SDR42E1: variants seen among roughly 807,000 people sequenced by gnomAD.
SDR42E1 encodes the protein short chain dehydrogenase/reductase family 42E, member 1.
Under a neutral mutation model 2.6 loss-of-function variants are expected in SDR42E1, and 5 were observed. The observed-to-expected ratio is 1.94, with a 90% CI of 1.01 to 4.08. The LOEUF (loss-of-function observed/expected upper bound fraction) is 4.08, where lower values mean the gene tolerates loss of function less well. SDR42E1 is among the 30% of genes most tolerant of loss of function. The pLI, the probability that SDR42E1 is intolerant of heterozygous loss-of-function variation, is 0.00. For synonymous variants in SDR42E1, 231 were observed against 188.3 expected, an observed-to-expected ratio of 1.23 and a Z score of -1.86; for missense variants, 596 against 478.6, an observed-to-expected ratio of 1.25 and a Z score of -2.29.
In SDR42E1 at chr16:81,999,803, G is replaced by C. The variant is rs772550358; in HGVS notation, c.490C>G (p.Leu164Val). The C allele has an allele frequency of 1.1e-5, 17 of 1,614,204 alleles. 1 individual carries two copies. In the Admixed American group the frequency reaches 2.8e-4, roughly 27 times the overall value. The change falls in exon 3 of 3, where the codon CTG becomes GTG. Residue 164 changes from leucine to valine, a missense_variant. Transcript: ENST00000328945. Reference sequence around the variant, plus strand: ...TCCAGGGGTGTAGCATTCGCCTCCAGCACCTTCTGCTCTGCAATTGACTTT... The same window carrying C: ...TCCAGGGGTGTAGCATTCGCCTCCACCACCTTCTGCTCTGCAATTGACTTT... The part of the protein sequence containing the change: ...RTKSIAEQKV[L>V]EANATPLDRG...
rs888581597 is a variant in SDR42E1 at position 81,992,869 on chromosome 16, G to A, written c.*6242C>T. 2.0e-5 allele frequency: 3 copies of A among 152,092 alleles called. No homozygotes were observed. The highest frequency in any genetic ancestry group is 7.2e-5 in the African/African-American group (3 of 41,412). The allele number at this position is 152,092 out of a possible 1,614,324, so 9.4% of individuals were successfully genotyped here. On this transcript the variant is annotated 3_prime_UTR_variant, in exon 3 of 3. Transcript: ENST00000328945. ...TGGTGTGCCCAGGTTCTAAAATACA[G>A]AAGGGTAACATGGTATGAATTTGCA...
In SDR42E1 at chr16:81,999,840, G is replaced by A. The variant is rs1228911711; in HGVS notation, c.453C>T (p.His151=). 8 of 1,614,094 alleles carry A rather than the reference G, an allele frequency of 5.0e-6. No homozygotes were observed. The highest frequency in any genetic ancestry group is 6.8e-6 in the Non-Finnish European group (8 of 1,180,052). ...CTGCAATTGACTTTGTCCGAGAGTAGTGATCAGGGTGGAGGTGAAGAGGCA... is the reference window on the plus strand; with the variant it reads ...CTGCAATTGACTTTGTCCGAGAGTAATGATCAGGGTGGAGGTGAAGAGGCA... ...PYLPLHLHPD[H]YSRTKSIAEQ... Residue 151 remains histidine, a synonymous_variant, in exon 3 of 3, where the codon CAC becomes CAT. Transcript: ENST00000328945.
chr16:81,995,950 CTA>C lies in SDR42E1; in HGVS notation c.*3159_*3160del. On this transcript the variant is annotated 3_prime_UTR_variant, in exon 3 of 3. Transcript: ENST00000328945. ...AAATTGCTGGGATCAGTGAAGGCCT[CTA>C]GAAAGAGACTTAACAAGAGACACGA... The C allele has an allele frequency of 6.6e-6, 1 of 152,258 alleles. No homozygotes were observed. The highest frequency in any genetic ancestry group is 1.9e-4 in the East Asian group (1 of 5,174). The allele number at this position is 152,258 out of a possible 1,614,324, so 9.4% of individuals were successfully genotyped here.
chr16:82,010,267 T>G (rs1913082705), intron 1 of SDR42E1, among the ~76,000 whole-genome samples: 1 of 152,184 alleles, frequency 6.6e-6, no homozygotes, highest in Non-Finnish European at 1.5e-5. Flanking sequence ...CTTTCAGAAA[T>G]GAGGAAAATA....
At chr16:82,000,355 T>C in intron 2 of SDR42E1, 131 bp from the exon 3 acceptor site, 1 of 1,107,252 alleles carries the variant, frequency 9.0e-7, no homozygotes. Context: ...CCCCTCACTA[T>C]GCATGTTCCT....
In SDR42E1 at chr16:81,995,696, A is replaced by C. The variant is rs890538140; in HGVS notation, c.*3415T>G. 5 of 152,262 alleles carry C rather than the reference A, an allele frequency of 3.3e-5. No individual in the cohort carries two copies. 9.4% of individuals were successfully genotyped at this position (152,262 alleles called of 1,614,324 possible). The stretch of plus-strand genomic sequence containing the variant: ...GTGTGCTAGAAAAGAGTGTTCATCC[A>C]TAGCAGATGGGAAAACAGCATTCAT... On this transcript the variant is annotated 3_prime_UTR_variant, in exon 3 of 3. Coordinates refer to ENST00000328945, the MANE Select transcript of SDR42E1 (RefSeq NM_145168.3).
rs1261323778 is a variant in SDR42E1, at chr16:81,997,184, T to C, written c.*1927A>G. On this transcript the variant is annotated 3_prime_UTR_variant, in exon 3 of 3. Coordinates refer to ENST00000328945, the MANE Select transcript of SDR42E1 (RefSeq NM_145168.3). The stretch of plus-strand genomic sequence containing the variant: ...CCAGCTTGAATGGAAAGGGATATAG[T>C]GCAAAATGTTAACACAGCCGTTGGG... The C allele has an allele frequency of 6.6e-6, 1 of 152,150 alleles. No individual in the cohort carries two copies. The highest frequency in any genetic ancestry group is 1.5e-5 in the Non-Finnish European group (1 of 68,032). 9.4% of individuals were successfully genotyped at this position (152,150 alleles called of 1,614,324 possible).
In SDR42E1 at chr16:81,997,221, C is replaced by A. The variant is rs1912562398; in HGVS notation, c.*1890G>T. On this transcript the variant is annotated 3_prime_UTR_variant, in exon 3 of 3. Coordinates refer to ENST00000328945, the MANE Select transcript of SDR42E1 (RefSeq NM_145168.3). ...ACACAGCCGTTGGGCCCCTAAAATC[C>A]TTCTGGCAAGAAGCAGGCAGAAAAA... The A allele has an allele frequency of 1.3e-5, 2 of 152,170 alleles. No individual in the cohort carries two copies. Among genetic ancestry groups the A allele is most frequent in the African/African-American group, 2.4e-5 (1 of 41,422 alleles). 9.4% of individuals were successfully genotyped at this position (152,170 alleles called of 1,614,324 possible).
In SDR42E1 at chr16:81,990,380, C is replaced by T. The variant is rs1420442033; in HGVS notation, c.*8731G>A. 1 of 152,146 alleles carries T rather than the reference C, an allele frequency of 6.6e-6. No homozygotes were observed. Among genetic ancestry groups the T allele is most frequent in the Non-Finnish European group, 1.5e-5 (1 of 68,000 alleles). 9.4% of individuals were successfully genotyped at this position (152,146 alleles called of 1,614,324 possible). A position where few individuals can be genotyped will look rare whatever the true frequency, so the allele number is the denominator to read the frequency against. ...AATCAATGAAACATTTTCACTGAACCATCTCTACCCGCATATGCAGTTGTT... is the reference window on the plus strand; with the variant it reads ...AATCAATGAAACATTTTCACTGAACTATCTCTACCCGCATATGCAGTTGTT... On this transcript the variant is annotated 3_prime_UTR_variant, in exon 3 of 3. Coordinates refer to ENST00000328945, the MANE Select transcript of SDR42E1 (RefSeq NM_145168.3).
rs143810198 is a variant in SDR42E1, at chr16:81,989,504, T to C, written c.*9607A>G. On this transcript the variant is annotated 3_prime_UTR_variant, in exon 3 of 3. Transcript: ENST00000328945. ...GTTACACAGAAGCACTCTGAATGTG[T>C]AGAAATAAAAGCTTGATGATTTTGG... is the stretch of plus-strand genomic sequence containing the variant. 17 of 152,314 alleles carry C rather than the reference T, an allele frequency of 1.1e-4. No homozygotes were observed. The highest frequency in any genetic ancestry group is 3.9e-4 in the African/African-American group (16 of 41,544). 9.4% of individuals were successfully genotyped at this position (152,314 alleles called of 1,614,324 possible).
At position 81,994,035 on chromosome 16, in the gene SDR42E1, T is replaced by C. The variant is rs925715012; in HGVS notation, c.*5076A>G. The C allele has an allele frequency of 1.3e-5, 2 of 152,042 alleles. No individual in the cohort carries two copies. The highest frequency in any genetic ancestry group is 4.8e-5 in the African/African-American group (2 of 41,382). The allele number at this position is 152,042 out of a possible 1,614,324, so 9.4% of individuals were successfully genotyped here. On this transcript the variant is annotated 3_prime_UTR_variant, in exon 3 of 3. Coordinates refer to ENST00000328945, the MANE Select transcript of SDR42E1 (RefSeq NM_145168.3). Reference sequence around the variant, plus strand: ...TGCCTTTGGAAACCACGGGGTAGGATCACCTGTACCCAGGAGTGGACTGTG... The same window carrying C: ...TGCCTTTGGAAACCACGGGGTAGGACCACCTGTACCCAGGAGTGGACTGTG...
In SDR42E1 at chr16:82,000,182, CAG is replaced by C. The variant is rs1567563938; in HGVS notation, c.109_110del (p.Leu37ValfsTer2). Reference protein sequence around the residue: ...ALNQNGVHVILFDISSPAQTI... With the variant: ...ALNQNGVHVIXFDISSPAQTI... ...TTTGAGCAGGGCTGCTGATGTCAAA[CAG>C]AATCACATGGACTCCATTTTGGTTC... On this transcript the variant is annotated frameshift_variant, in exon 3 of 3. Coordinates refer to ENST00000328945, the MANE Select transcript of SDR42E1 (RefSeq NM_145168.3). LOFTEE classifies it low-confidence loss of function (END_TRUNC). 6.2e-7 allele frequency: 1 copy of C among 1,611,592 alleles called. No homozygotes were observed.
In SDR42E1 at chr16:81,994,798, T is replaced by C. The variant is rs1912504217; in HGVS notation, c.*4313A>G. On this transcript the variant is annotated 3_prime_UTR_variant, in exon 3 of 3. Coordinates refer to ENST00000328945, the MANE Select transcript of SDR42E1 (RefSeq NM_145168.3). ...CGGAGATTTGGAAAGCAATACAAGG[T>C]AGAAGCAGCCCCAACAATCTACGAC... The C allele has an allele frequency of 6.6e-6, 1 of 152,174 alleles. No homozygotes were observed. The highest frequency in any genetic ancestry group is 6.5e-5 in the Admixed American group (1 of 15,280). The allele number at this position is 152,174 out of a possible 1,614,324, so 9.4% of individuals were successfully genotyped here. A position where few individuals can be genotyped will look rare whatever the true frequency, so the allele number is the denominator to read the frequency against.
chr16:81,997,642 C>A lies in SDR42E1; in HGVS notation c.*1469G>T, dbSNP rs1200667459. 7 of 152,246 alleles carry A rather than the reference C, an allele frequency of 4.6e-5. No individual in the cohort carries two copies. The highest frequency in any genetic ancestry group is 4.6e-4 in the Admixed American group (7 of 15,290). The allele number at this position is 152,246 out of a possible 1,614,324, so 9.4% of individuals were successfully genotyped here. A position where few individuals can be genotyped will look rare whatever the true frequency, so the allele number is the denominator to read the frequency against. On this transcript the variant is annotated 3_prime_UTR_variant, in exon 3 of 3. Transcript: ENST00000328945. ...TTTTCCTAAAAACAATCACTACCATCACCTCATACTGATGTTGCAATTTAT... is the reference window on the plus strand; with the variant it reads ...TTTTCCTAAAAACAATCACTACCATAACCTCATACTGATGTTGCAATTTAT...
rs200680543 is a variant in SDR42E1, at chr16:82,001,959, T to TACACACAC, written c.-26-1076_-26-1075insGTGTGTGT. 4.7e-3 allele frequency among the ~76,000 whole-genome samples: 617 copies of TACACACAC among 131,102 alleles called. 5 individuals are homozygous for TACACACAC. Among genetic ancestry groups the TACACACAC allele is most frequent in the African/African-American group, 0.023 (586 of 25,350 alleles). The allele number at this position is 131,102 out of a possible 152,430, so 86.0% of individuals were successfully genotyped here. On this transcript the variant is annotated intron_variant, in intron 1 of 2. Transcript: ENST00000328945. ...CAGGTCCTCAAAGGCACTGGGTGCG[T>TACACACAC]ATACACACACACACACACACACACA... is the stretch of plus-strand genomic sequence containing the variant.
chr16:82,002,061 G>C (rs1912786354), intron 1 of SDR42E1, among the ~76,000 whole-genome samples: 1 of 151,930 alleles, frequency 6.6e-6, no homozygotes, highest in African/African-American at 2.4e-5. Flanking sequence ...AAGCAATCAA[G>C]AGCCCTACCA....
Position 81,999,163 on chromosome 16 carries a change from A to G in SDR42E1, c.1130T>C (p.Leu377Pro), listed in dbSNP as rs1912636555. 3 of 1,614,234 alleles carry G rather than the reference A, an allele frequency of 1.9e-6. No homozygotes were observed. The East Asian group carries it at 6.7e-5, about 36-fold the overall frequency. The change falls in exon 3 of 3, where the codon CTG (leucine) becomes CCG (proline). Residue 377 changes from leucine to proline, a missense_variant. Coordinates refer to ENST00000328945, the MANE Select transcript of SDR42E1 (RefSeq NM_145168.3). ...CAGCCACATGAGAACTGCTATAATC[A>G]GGAGGAAGACCAATAGCCCATCCCA... Reference protein sequence around the residue: ...FVWDGLLVFLLIIAVLMWLPS... With the variant: ...FVWDGLLVFLPIIAVLMWLPS...
chr16:81,992,757 T>C lies in SDR42E1; in HGVS notation c.*6354A>G, dbSNP rs1286629651. On this transcript the variant is annotated 3_prime_UTR_variant, in exon 3 of 3. Coordinates refer to ENST00000328945, the MANE Select transcript of SDR42E1 (RefSeq NM_145168.3). ...CACTTTGCTACATGCAATTTCTTTG[T>C]AGTGAACTAGATTTGGCCTCGGTCA... The C allele has an allele frequency of 1.3e-5, 2 of 152,142 alleles. No individual in the cohort carries two copies. The highest frequency in any genetic ancestry group is 2.9e-5 in the Non-Finnish European group (2 of 68,024). The allele number at this position is 152,142 out of a possible 1,614,324, so 9.4% of individuals were successfully genotyped here.
rs1027315522 is a variant in SDR42E1, at chr16:81,994,712, G to A, written c.*4399C>T. The A allele has an allele frequency of 1.3e-5, 2 of 152,120 alleles. No homozygotes were observed. The highest frequency in any genetic ancestry group is 4.8e-5 in the African/African-American group (2 of 41,396). 9.4% of individuals were successfully genotyped at this position (152,120 alleles called of 1,614,324 possible). On this transcript the variant is annotated 3_prime_UTR_variant, in exon 3 of 3. Coordinates refer to ENST00000328945, the MANE Select transcript of SDR42E1 (RefSeq NM_145168.3). ...GTGGCCCTATAATGATGTCTAATTGGGTCAGAGCTGGGGCGTGGCATTCTG... is the reference window on the plus strand; with the variant it reads ...GTGGCCCTATAATGATGTCTAATTGAGTCAGAGCTGGGGCGTGGCATTCTG...
Sources: allele counts gnomAD v4.1 joint callset (sites outside exome capture counted in the v4.1 genomes callset), GRCh38; gene constraint gnomAD v4.1.1; transcripts MANE v1.5; gene names NCBI Gene and HGNC (gene_info 2026-07-23, HGNC 2026-07-21).